WDR64: variants seen among roughly 807,000 people sequenced by gnomAD.
The protein encoded by WDR64 is WD repeat-containing protein 64.
A neutral mutation model predicts 139.3 loss-of-function variants in WDR64; 112 were observed. That is an observed-to-expected ratio of 0.80 (90% CI 0.69 to 0.94). WDR64 has a LOEUF of 0.94. Ranked by LOEUF, WDR64 falls within the 40% of genes least tolerant of loss-of-function variation. The probability of loss-of-function intolerance (pLI) is 0.00; values close to 1 mark genes in which losing one functional copy is unlikely to be tolerated. For missense variants in WDR64, 1,206 were observed against 1,293.1 expected (o/e 0.93, Z 1.03); for synonymous variants, 444 against 437.7 (o/e 1.01, Z -0.18).
intron 8 of WDR64, among the ~76,000 whole-genome samples, chr1:241,699,598 T>C (rs1390018452): frequency 1.3e-5 from 2 of 152,036 alleles, no homozygotes; most frequent in African/African-American, 4.8e-5. Flanking sequence ...TGGGGGGAAC[T>C]GAGGAAGGCT....
intron 14 of WDR64, among the ~76,000 whole-genome samples, chr1:241,753,093 A>G (rs1162692512): frequency 6.6e-6 from 1 of 152,214 alleles, no homozygotes; most frequent in Non-Finnish European, 1.5e-5. Flanking sequence ...GCCTTAGGGC[A>G]ACACCTAAAA....
chr1:241,676,657 T>C (rs1408880104), intron 4 of WDR64, among the ~76,000 whole-genome samples: 1 of 152,044 alleles, frequency 6.6e-6, no homozygotes, highest in East Asian at 1.9e-4. Flanking sequence ...AGCTTACAGA[T>C]GGGCACGTGT....
intron 23 of WDR64, among the ~76,000 whole-genome samples, chr1:241,783,695 C>CA (rs1267670482): frequency 6.6e-6 from 1 of 151,822 alleles, no homozygotes; most frequent in African/African-American, 2.4e-5. Context: ...GAGTTAGACC[C>CA]AAGTCATAGA....
chr1:241,663,922 T>G (rs1665929058), intron 2 of WDR64, among the ~76,000 whole-genome samples: 2 of 152,182 alleles, frequency 1.3e-5, no homozygotes, highest in Non-Finnish European at 2.9e-5. Flanking sequence ...GCTATTTTTT[T>G]TGTTGCTTTT....
chr1:241,735,315 T>C (rs143260939), intron 10 of WDR64, among the ~76,000 whole-genome samples: 104 of 151,344 alleles, frequency 6.9e-4, no homozygotes, highest in African/African-American at 2.5e-3. Context: ...CAATGAACAT[T>C]TGAGTAGTTT....
chr1:241,743,950 T>A (rs1669649916), intron 12 of WDR64, among the ~76,000 whole-genome samples: 1 of 152,150 alleles, frequency 6.6e-6, no homozygotes, highest in South Asian at 2.1e-4. Context: ...GTCGGTGAGC[T>A]CTTTCCTCAG....
intron 8 of WDR64, among the ~76,000 whole-genome samples, chr1:241,701,066 G>T (rs932172576): frequency 6.6e-6 from 1 of 152,220 alleles, no homozygotes; most frequent in African/African-American, 2.4e-5. Context: ...GGTTTTAAAT[G>T]AGATAGTAAT....
At chr1:241,712,928 AAAC>A (rs1019336213) in intron 9 of WDR64, among the ~76,000 whole-genome samples, 6 of 151,644 alleles carry the variant, frequency 4.0e-5, no homozygotes, top group African/African-American at 1.2e-4. Flanking sequence ...GCCTGTCTCA[AAAC>A]AACAACAACA....
At position 241,757,324 on chromosome 1, in the gene WDR64, G is replaced by T. The variant is rs1457144086; in HGVS notation, c.1812G>T (p.Leu604=). The T allele has an allele frequency of 8.1e-6, 13 of 1,613,906 alleles. No individual in the cohort carries two copies. The highest frequency in any genetic ancestry group is 1.1e-5 in the Non-Finnish European group (13 of 1,179,978). Residue 604 remains leucine (L), a synonymous_variant, in exon 15 of 28, where the codon CTG becomes CTT. Coordinates refer to ENST00000437684, the MANE Select transcript of WDR64 (RefSeq NM_001367482.1). ...DDIYLMVIWE[L]PDVVPFLQDG... The stretch of plus-strand genomic sequence containing the variant: ...TCTACCTCATGGTGATCTGGGAGCT[G>T]CCTGATGTTGTGCCTTTCCTACAAG...
At chr1:241,731,869 T>C (rs1186479297) in intron 10 of WDR64, among the ~76,000 whole-genome samples, 2 of 152,224 alleles carry the variant, frequency 1.3e-5, no homozygotes, top group East Asian at 3.8e-4. Context: ...TGTAAGAACT[T>C]AATAAATACA....
chr1:241,662,965 C>T (rs1033969687), intron 2 of WDR64, among the ~76,000 whole-genome samples: 1 of 151,754 alleles, frequency 6.6e-6, no homozygotes, highest in African/African-American at 2.4e-5. Context: ...GATATTCTAC[C>T]AAGAATATCC....
chr1:241,710,293 CT>C (rs773170448), intron 8 of WDR64, among the ~76,000 whole-genome samples: 11 of 152,150 alleles, frequency 7.2e-5, no homozygotes, highest in Non-Finnish European at 1.2e-4. Flanking sequence ...TGTTGCTAAT[CT>C]CTGAGGTTGG....
chr1:241,744,024 G>A (rs914876313), intron 12 of WDR64, among the ~76,000 whole-genome samples: 6 of 152,154 alleles, frequency 3.9e-5, no homozygotes, highest in African/African-American at 1.4e-4. Flanking sequence ...TGGATAACTA[G>A]GATGAGTGTC....
intron 20 of WDR64, among the ~76,000 whole-genome samples, chr1:241,774,546 G>A (rs1658577342): frequency 6.6e-6 from 1 of 152,060 alleles, no homozygotes; most frequent in Non-Finnish European, 1.5e-5. Flanking sequence ...TCCCAGTGCT[G>A]GCTTATACTG....
chr1:241,670,232 A>AT (rs199829964), intron 2 of WDR64, among the ~76,000 whole-genome samples: 24 of 151,456 alleles, frequency 1.6e-4, no homozygotes, highest in Non-Finnish European at 2.8e-4. Flanking sequence ...CTTCCTCACA[A>AT]TTTTTTTTTC....
rs75042223 is a variant in WDR64 at position 241,789,994 on chromosome 1, C to T, written c.2892-597C>T. 8.7e-3 allele frequency among the ~76,000 whole-genome samples: 1,327 copies of T among 152,218 alleles called. 21 individuals are homozygous for T. The highest frequency in any genetic ancestry group is 0.03 in the African/African-American group (1,251 of 41,520). On this transcript the variant is annotated intron_variant, in intron 24 of 27. Coordinates refer to ENST00000437684, the MANE Select transcript of WDR64 (RefSeq NM_001367482.1). The stretch of plus-strand genomic sequence containing the variant: ...AAGTCAAGCACTGGTCTTGTAAAAG[C>T]GGTTTCCTAGTTCCTAATATAGAGT...
At chr1:241,669,650 A>T (rs1666148972) in intron 2 of WDR64, among the ~76,000 whole-genome samples, 1 of 152,186 alleles carries the variant, frequency 6.6e-6, no homozygotes, top group Non-Finnish European at 1.5e-5. Flanking sequence ...GGGCAATTGT[A>T]TGTTGGGAGG....
chr1:241,653,391 G>T (rs1665440112), intron 1 of WDR64, among the ~76,000 whole-genome samples: 1 of 151,958 alleles, frequency 6.6e-6, no homozygotes, highest in Admixed American at 6.6e-5. Context: ...CTTGACTTTG[G>T]GTGTTCAAAC....
At chr1:241,736,166 A>G (rs1669316989) in intron 10 of WDR64, among the ~76,000 whole-genome samples, 3 of 152,120 alleles carry the variant, frequency 2.0e-5, no homozygotes, top group African/African-American at 7.2e-5. Flanking sequence ...CTGTCTGCAG[A>G]AGCTGCTCTG....
Sources: gnomAD v4.1 joint callset for allele counts (sites outside exome capture counted in the v4.1 genomes callset) on GRCh38, gnomAD v4.1.1 for gene constraint, MANE v1.5 for transcripts, NCBI Gene and HGNC (gene_info 2026-07-23, HGNC 2026-07-21) for gene names.